The following CPA6 variants were observed in gnomAD, a reference collection of about 807,000 sequenced individuals.
CPA6 encodes carboxypeptidase A6.
In CPA6, 58 loss-of-function variants were observed where a neutral mutation model predicts 63.3. The observed-to-expected ratio is 0.92, with a 90% CI of 0.74 to 1.14. The LOEUF is 1.14. CPA6 is among the 50% of genes most tolerant of loss of function. The pLI, the probability that CPA6 is intolerant of heterozygous loss-of-function variation, is 0.00. For synonymous variants in CPA6, 185 were observed against 179.0 expected (o/e 1.03, Z -0.27); for missense variants, 565 against 526.6 (o/e 1.07, Z -0.71).
intron 1 of CPA6, among the ~76,000 whole-genome samples, chr8:67,646,582 T>C (rs1481030365): frequency 1.3e-5 from 2 of 152,162 alleles, no homozygotes; most frequent in Non-Finnish European, 2.9e-5. Context: ...GGTGAGATAA[T>C]GAATAACAAT....
intron 1 of CPA6, among the ~76,000 whole-genome samples, chr8:67,731,672 T>C (rs936374977): frequency 3.9e-5 from 6 of 152,256 alleles, no homozygotes; most frequent in Admixed American, 1.3e-4. Flanking sequence ...ATTCTGTTTC[T>C]GTGGTACTTG....
chr8:67,541,671 CT>C (rs1450633911), intron 2 of CPA6, among the ~76,000 whole-genome samples: 8 of 152,180 alleles, frequency 5.3e-5, no homozygotes, highest in Non-Finnish European at 1.2e-4. Flanking sequence ...CCTTCTTTAA[CT>C]CGGTGTCTGA....
At chr8:67,440,858 T>C (rs1233361453) in intron 8 of CPA6, among the ~76,000 whole-genome samples, 1 of 152,214 alleles carries the variant, frequency 6.6e-6, no homozygotes, top group East Asian at 1.9e-4. Flanking sequence ...CATTGTCATG[T>C]GGTGCATGAC....
intron 6 of CPA6, among the ~76,000 whole-genome samples, chr8:67,494,534 A>C (rs1811670327): frequency 6.6e-6 from 1 of 152,198 alleles, no homozygotes; most frequent in Non-Finnish European, 1.5e-5. Context: ...CAACAATCTC[A>C]AACTAGCAAA....
intron 2 of CPA6, among the ~76,000 whole-genome samples, chr8:67,540,732 G>A (rs557550254): frequency 6.6e-6 from 1 of 152,334 alleles, no homozygotes; most frequent in East Asian, 1.9e-4. Context: ...AGGCAGTCTG[G>A]CTACAGCAGC....
rs113327979 is a variant in CPA6 at position 67,726,697 on chromosome 8, A to G, written c.116+19317T>C. On this transcript the variant is annotated intron_variant, in intron 1 of 10. Coordinates refer to ENST00000297770, the MANE Select transcript of CPA6 (RefSeq NM_020361.5). ...AGAATTTCTATTTGAAAATCCATTT[A>G]CTTAAATGCATATATCAGCATGATG... 6.0e-3 allele frequency among the ~76,000 whole-genome samples: 921 copies of G among 152,352 alleles called. 7 individuals are homozygous for G. Among genetic ancestry groups the G allele is most frequent in the Non-Finnish European group, 8.6e-3 (583 of 68,040 alleles).
At chr8:67,523,823 T>C (rs1222693171) in intron 2 of CPA6, among the ~76,000 whole-genome samples, 1 of 152,158 alleles carries the variant, frequency 6.6e-6, no homozygotes, top group Non-Finnish European at 1.5e-5. Flanking sequence ...TATACACAGA[T>C]GTGGGAAGAT....
chr8:67,617,761 T>C (rs577106914), intron 2 of CPA6, among the ~76,000 whole-genome samples: 7 of 152,346 alleles, frequency 4.6e-5, no homozygotes, highest in African/African-American at 1.7e-4. Context: ...AAGGTGTCAG[T>C]TGGGCTGTAG....
intron 1 of CPA6, among the ~76,000 whole-genome samples, chr8:67,669,654 C>G (rs745688575): frequency 6.6e-6 from 1 of 152,140 alleles, no homozygotes; most frequent in Non-Finnish European, 1.5e-5. Context: ...TGATGAAGGT[C>G]TATACTTTCC....
chr8:67,692,097 G>A (rs1001300998), intron 1 of CPA6, among the ~76,000 whole-genome samples: 17 of 152,258 alleles, frequency 1.1e-4, no homozygotes, highest in African/African-American at 4.1e-4. Context: ...AGCACTTTGG[G>A]AGGCCGAGGC....
chr8:67,592,559 T>G (rs1814161521), intron 2 of CPA6, among the ~76,000 whole-genome samples: 2 of 151,876 alleles, frequency 1.3e-5, no homozygotes, highest in Non-Finnish European at 2.9e-5. Context: ...TTGCCACAAT[T>G]TCAGATCCTG....
At chr8:67,463,386 G>C (rs1308235154) in intron 8 of CPA6, among the ~76,000 whole-genome samples, 1 of 152,050 alleles carries the variant, frequency 6.6e-6, no homozygotes, top group Non-Finnish European at 1.5e-5. Context: ...AGAGGTTGCA[G>C]TGAGCTGAGA....
chr8:67,541,921 C>T (rs180704670), intron 2 of CPA6, among the ~76,000 whole-genome samples: 137 of 152,334 alleles, frequency 9.0e-4, no homozygotes, highest in Admixed American at 4.0e-3. Flanking sequence ...CTGGGAGCTG[C>T]GGACGAGAGC....
chr8:67,542,107 ATTAC>A (rs957665592), intron 2 of CPA6, among the ~76,000 whole-genome samples: 14 of 152,194 alleles, frequency 9.2e-5, no homozygotes, highest in African/African-American at 3.4e-4. Context: ...TTCGGCACCT[ATTAC>A]CTACTTATTG....
chr8:67,586,866 G>A (rs184276508), intron 2 of CPA6, among the ~76,000 whole-genome samples: 87 of 152,326 alleles, frequency 5.7e-4, no homozygotes, highest in Non-Finnish European at 9.7e-4. Context: ...AGGCTGATGA[G>A]TAGGCTGTGG....
At chr8:67,605,687 C>A (rs1432561487) in intron 2 of CPA6, among the ~76,000 whole-genome samples, 1 of 152,072 alleles carries the variant, frequency 6.6e-6, no homozygotes, top group Non-Finnish European at 1.5e-5. Context: ...TTTAGAGATA[C>A]TGGTTCTATT....
intron 2 of CPA6, 39 bp from the exon 3 acceptor site, chr8:67,518,086 T>A: frequency 1.3e-6 from 2 of 1,493,360 alleles, no homozygotes; most frequent in Non-Finnish European, 1.8e-6. Context: ...ATATCCAACG[T>A]AGGGGGGGAA....
At chr8:67,656,133 G>T (rs1210843200) in intron 1 of CPA6, among the ~76,000 whole-genome samples, 4 of 151,980 alleles carry the variant, frequency 2.6e-5, no homozygotes, top group Admixed American at 2.0e-4. Flanking sequence ...TGCCTCCTTT[G>T]CCCAGACTCT....
intron 8 of CPA6, among the ~76,000 whole-genome samples, chr8:67,478,647 T>C (rs1811294176): frequency 6.6e-6 from 1 of 152,186 alleles, no homozygotes; most frequent in South Asian, 2.1e-4. Context: ...TCAGAAGTGT[T>C]GTACTAAGAA....
Sources: allele counts gnomAD v4.1 joint callset (sites outside exome capture counted in the v4.1 genomes callset), GRCh38; gene constraint gnomAD v4.1.1; transcripts MANE v1.5; gene names NCBI Gene and HGNC (gene_info 2026-07-23, HGNC 2026-07-21).